Variants in SOX5 observed in about 807,000 individuals in gnomAD.
SOX5 encodes transcription factor SOX-5.
Under a neutral mutation model 92.0 loss-of-function variants are expected in SOX5, and 9 were observed. That is an observed-to-expected ratio of 0.10 (90% CI 0.06 to 0.17). SOX5 has a LOEUF of 0.17. Among genes scored for constraint, SOX5 ranks in the 10% least tolerant of loss-of-function variants. The pLI is 1.00. For synonymous variants in SOX5, 344 were observed against 336.3 expected (o/e 1.02, Z -0.25); for missense variants, 642 against 944.5 (o/e 0.68, Z 4.20).
intron 6 of SOX5, among the ~76,000 whole-genome samples, chr12:23,718,864 T>C (rs558640001): frequency 1.3e-5 from 2 of 152,104 alleles, no homozygotes; most frequent in Admixed American, 6.5e-5. Context: ...CGGTTCTCAA[T>C]AGGGCAGTAA....
At chr12:24,264,793 A>C (rs1484379080) in intron 3 of SOX5, among the ~76,000 whole-genome samples, 2 of 152,228 alleles carry the variant, frequency 1.3e-5, no homozygotes, top group Non-Finnish European at 2.9e-5. Flanking sequence ...AAAACACTAG[A>C]AGAGTGGTAG....
At chr12:24,503,849 G>T (rs941875485) in intron 1 of SOX5, among the ~76,000 whole-genome samples, 3 of 152,080 alleles carry the variant, frequency 2.0e-5, no homozygotes, top group Non-Finnish European at 4.4e-5. Context: ...GGGAGGGATA[G>T]CATTAGAAGA....
At chr12:24,164,229 C>A (rs189499685) in intron 4 of SOX5, among the ~76,000 whole-genome samples, 1 of 151,854 alleles carries the variant, frequency 6.6e-6, no homozygotes, top group Admixed American at 6.6e-5. Context: ...AGTAAAATAC[C>A]CATCAGTAGA....
At chr12:24,008,416 AAC>A (rs1952556322) in intron 4 of SOX5, among the ~76,000 whole-genome samples, 2 of 152,148 alleles carry the variant, frequency 1.3e-5, no homozygotes, top group African/African-American at 4.8e-5. Context: ...CAACAGGTTT[AAC>A]AGATAGGGCC....
intron 4 of SOX5, among the ~76,000 whole-genome samples, chr12:24,031,630 T>G (rs116575088): frequency 2.3e-3 from 354 of 151,946 alleles, no homozygotes; most frequent in African/African-American, 7.8e-3. Flanking sequence ...TACAAGTCAG[T>G]AGTCATCTTA....
chr12:23,619,850 T>C (rs1350977810), intron 8 of SOX5, among the ~76,000 whole-genome samples: 1 of 152,192 alleles, frequency 6.6e-6, no homozygotes, highest in Non-Finnish European at 1.5e-5. Context: ...TGGAGAAAGC[T>C]GTTATACTTC....
chr12:23,749,616 G>A lies in SOX5; in HGVS notation c.568+6022C>T, dbSNP rs75977702. On this transcript the variant is annotated intron_variant, in intron 4 of 14. Coordinates refer to ENST00000451604, the MANE Select transcript of SOX5 (RefSeq NM_006940.6). ...AGATGTACGCATTATAATTTCTATAGTGAGTGAAAGGGTTATTCTTGTTAC... is the reference window on the plus strand; with the variant it reads ...AGATGTACGCATTATAATTTCTATAATGAGTGAAAGGGTTATTCTTGTTAC... Among the ~76,000 whole-genome samples, 10 of 151,950 alleles carry A rather than the reference G, an allele frequency of 6.6e-5. No homozygotes were observed. The East Asian group carries it at 1.9e-3, about 29-fold the overall frequency.
chr12:24,023,950 T>G (rs571379049), intron 4 of SOX5, among the ~76,000 whole-genome samples: 3 of 152,052 alleles, frequency 2.0e-5, no homozygotes, highest in Non-Finnish European at 4.4e-5. Flanking sequence ...AAAAGTCAAT[T>G]ATCTTTACGT....
In SOX5 at chr12:24,239,604, T is replaced by C. The variant is rs78475637; in HGVS notation, c.-76-26187A>G. Among the ~76,000 whole-genome samples, 71 of 152,290 alleles carry C rather than the reference T, an allele frequency of 4.7e-4. No homozygotes were observed. In the East Asian group the frequency reaches 0.013, roughly 28 times the overall value. On this transcript the variant is annotated intron_variant, in intron 3 of 4. Transcript: ENST00000446891. ...TGGATTAGCAGCTGTACAGCCTAAC[T>C]AAGCCCTGGAGCTACAATTATCTGG...
At chr12:23,944,828 C>G (rs1338088849) in intron 1 of SOX5, among the ~76,000 whole-genome samples, 2 of 152,106 alleles carry the variant, frequency 1.3e-5, no homozygotes, top group Non-Finnish European at 2.9e-5. Flanking sequence ...CTTTGAAAAT[C>G]TTTTTATCTT....
chr12:23,579,392 AT>A (rs1949732017), intron 9 of SOX5, among the ~76,000 whole-genome samples: 1 of 152,118 alleles, frequency 6.6e-6, no homozygotes, highest in Non-Finnish European at 1.5e-5. Flanking sequence ...AAGAACTCAC[AT>A]TCTTGATCTT....
intron 1 of SOX5, among the ~76,000 whole-genome samples, chr12:23,916,857 C>T (rs1416726741): frequency 1.3e-5 from 2 of 152,100 alleles, no homozygotes; most frequent in Non-Finnish European, 2.9e-5. Flanking sequence ...CTGGTGATTA[C>T]TGCCTATGGA....
intron 2 of SOX5, among the ~76,000 whole-genome samples, chr12:24,342,295 T>A (rs2141079610): frequency 6.6e-6 from 1 of 152,312 alleles, no homozygotes; most frequent in African/African-American, 2.4e-5. Context: ...AGTGACCACA[T>A]CCAAATTGTT....
At chr12:23,812,969 T>C (rs1361420783) in intron 3 of SOX5, among the ~76,000 whole-genome samples, 1 of 152,186 alleles carries the variant, frequency 6.6e-6, no homozygotes, top group Non-Finnish European at 1.5e-5. Context: ...ATTCCTCAAA[T>C]TACATTTCTT....
rs185990736 is a variant in SOX5, at chr12:23,567,089, T to C, written c.1343-3686A>G. ...TATATGTTCACTCTTAGCACTCTTA[T>C]TAACATGGCTTTGACTATCATGATG... is the stretch of plus-strand genomic sequence containing the variant. On this transcript the variant is annotated intron_variant, in intron 10 of 14. Coordinates refer to ENST00000451604, the MANE Select transcript of SOX5 (RefSeq NM_006940.6). Among the ~76,000 whole-genome samples the C allele has an allele frequency of 2.6e-5, 4 of 152,374 alleles. No homozygotes were observed. The East Asian group carries it at 7.7e-4, about 29-fold the overall frequency.
chr12:23,615,977 A>G (rs1167252897), intron 8 of SOX5, among the ~76,000 whole-genome samples: 1 of 152,206 alleles, frequency 6.6e-6, no homozygotes, highest in East Asian at 1.9e-4. Flanking sequence ...GGTAATACAT[A>G]TAGATAGTTA....
chr12:23,565,813 T>C (rs1196579233), intron 10 of SOX5, among the ~76,000 whole-genome samples: 1 of 152,232 alleles, frequency 6.6e-6, no homozygotes, highest in Non-Finnish European at 1.5e-5. Context: ...CATGTATATA[T>C]GACAACATTC....
At chr12:23,856,401 C>T (rs2096689878) in intron 2 of SOX5, among the ~76,000 whole-genome samples, 1 of 152,008 alleles carries the variant, frequency 6.6e-6, no homozygotes, top group African/African-American at 2.4e-5. Context: ...ATATAGCTAC[C>T]AGTTTTGGAG....
At chr12:23,973,867 C>A (rs141393162) in intron 4 of SOX5, among the ~76,000 whole-genome samples, 1 of 152,212 alleles carries the variant, frequency 6.6e-6, no homozygotes, top group Non-Finnish European at 1.5e-5. Context: ...ATCTAGGTTG[C>A]GCGCTCATAT....
Sources: allele counts gnomAD v4.1 joint callset (sites outside exome capture counted in the v4.1 genomes callset), GRCh38; gene constraint gnomAD v4.1.1; transcripts MANE v1.5; gene names NCBI Gene and HGNC (gene_info 2026-07-23, HGNC 2026-07-21).